Variants in FSTL5 observed in about 807,000 individuals in gnomAD.
FSTL5 encodes the protein follistatin like 5.
In FSTL5, 62 loss-of-function variants were observed where a neutral mutation model predicts 89.1. The observed-to-expected ratio is 0.70, with a 90% CI of 0.57 to 0.86. The LOEUF is 0.86. Ranked by LOEUF, FSTL5 falls within the 40% of genes least tolerant of loss-of-function variation. The pLI is 0.00. For synonymous variants in FSTL5, 383 were observed against 346.2 expected (o/e 1.11, Z -1.18); for missense variants, 1,057 against 1,001.6 (o/e 1.06, Z -0.75).
At chr4:161,392,346 A>T (rs772878581) in intron 15 of FSTL5, among the ~76,000 whole-genome samples, 1 of 150,698 alleles carries the variant, frequency 6.6e-6, no homozygotes, top group Non-Finnish European at 1.5e-5. Context: ...CCTGCCTCAA[A>T]CTCCTGAGTA....
In FSTL5 at chr4:161,480,588, T is replaced by C. The variant is rs1729467496; in HGVS notation, c.1608+432A>G. Among the ~76,000 whole-genome samples the C allele has an allele frequency of 2.0e-5, 3 of 152,210 alleles. No homozygotes were observed. In the South Asian group the frequency reaches 6.2e-4, roughly 32 times the overall value. Reference sequence around the variant, plus strand: ...TTTACTACTACCTAGCAAATTCTACTAGGTTACTGTCATCTAGTGAAGCCT... The same window carrying C: ...TTTACTACTACCTAGCAAATTCTACCAGGTTACTGTCATCTAGTGAAGCCT... On this transcript the variant is annotated intron_variant, in intron 13 of 15. Transcript: ENST00000306100.
chr4:161,452,692 T>C (rs748972669), intron 15 of FSTL5, among the ~76,000 whole-genome samples: 1 of 152,218 alleles, frequency 6.6e-6, no homozygotes, highest in Non-Finnish European at 1.5e-5. Flanking sequence ...TTGATGATCA[T>C]TCATGTTCAT....
At chr4:161,732,941 T>A (rs1231363595) in intron 6 of FSTL5, among the ~76,000 whole-genome samples, 1 of 151,896 alleles carries the variant, frequency 6.6e-6, no homozygotes, top group East Asian at 1.9e-4. Context: ...GCTTTTCTTT[T>A]TTTTTTAAAA....
chr4:161,673,032 G>C (rs1424566252), intron 6 of FSTL5, among the ~76,000 whole-genome samples: 2 of 151,938 alleles, frequency 1.3e-5, no homozygotes, highest in African/African-American at 4.8e-5. Context: ...AAATGCCTGA[G>C]AACTCAGGTT....
intron 10 of FSTL5, among the ~76,000 whole-genome samples, chr4:161,533,612 CAGA>C (rs1731497356): frequency 6.6e-6 from 1 of 151,958 alleles, no homozygotes; most frequent in African/African-American, 2.4e-5. Context: ...AGCCTTGGAC[CAGA>C]AGAATGAACA....
chr4:161,846,044 G>A lies in FSTL5; in HGVS notation c.410-69970C>T, dbSNP rs534908748. Among the ~76,000 whole-genome samples the A allele has an allele frequency of 3.4e-3, 240 of 70,146 alleles. 1 individual carries two copies. The highest frequency in any genetic ancestry group is 0.012 in the Middle Eastern group (2 of 168). The allele number at this position is 70,146 out of a possible 152,430, so 46.0% of individuals were successfully genotyped here. On this transcript the variant is annotated intron_variant, in intron 4 of 15. Coordinates refer to ENST00000306100, the MANE Select transcript of FSTL5 (RefSeq NM_020116.5). ...AGCCTGGGCAACAGAACAAGACTCC[G>A]TCTCAAAAAAAAAAAAAAATTGTGA...
intron 3 of FSTL5, among the ~76,000 whole-genome samples, chr4:162,012,882 T>C (rs1418903925): frequency 6.6e-6 from 1 of 152,098 alleles, no homozygotes; most frequent in Non-Finnish European, 1.5e-5. Flanking sequence ...TGAAATTTAC[T>C]TATTAAAATA....
intron 4 of FSTL5, among the ~76,000 whole-genome samples, chr4:161,776,350 T>G (rs1741413470): frequency 6.6e-6 from 1 of 152,036 alleles, no homozygotes; most frequent in South Asian, 2.1e-4. Context: ...AAAAACATGA[T>G]AGCTCCAGCT....
intron 8 of FSTL5, among the ~76,000 whole-genome samples, chr4:161,546,292 TTATA>T (rs142188672): frequency 2.1e-5 from 3 of 145,586 alleles, no homozygotes; most frequent in African/African-American, 5.0e-5. Flanking sequence ...TATATACATA[TTATA>T]TATATATATA....
chr4:162,022,722 A>G (rs1737135616), intron 3 of FSTL5: 1 of 152,146 alleles, frequency 6.6e-6, no homozygotes, highest in African/African-American at 2.4e-5. Flanking sequence ...GACAATTATG[A>G]CTTAATCCCC....
At chr4:161,563,329 T>C (rs1437265080) in intron 8 of FSTL5, among the ~76,000 whole-genome samples, 1 of 151,938 alleles carries the variant, frequency 6.6e-6, no homozygotes, top group Non-Finnish European at 1.5e-5. Flanking sequence ...TGGAACTGCT[T>C]TATCGTATGG....
chr4:162,153,723 T>TATGTATATTATATATGTATATA, intron 1 of FSTL5, among the ~76,000 whole-genome samples: 1 of 80,644 alleles, frequency 1.2e-5, no homozygotes, highest in Admixed American at 1.6e-4. Context: ...TATATAATAA[T>TATGTATATTATATATGTATATA]ATATGTATAT....
At chr4:161,667,812 T>G (rs1417470787) in intron 6 of FSTL5, among the ~76,000 whole-genome samples, 1 of 151,988 alleles carries the variant, frequency 6.6e-6, no homozygotes, top group Admixed American at 6.6e-5. Context: ...CTCAACACAT[T>G]AGAGATGAAA....
At chr4:162,087,040 T>C (rs1256622606) in intron 2 of FSTL5, among the ~76,000 whole-genome samples, 1 of 152,082 alleles carries the variant, frequency 6.6e-6, no homozygotes, top group East Asian at 1.9e-4. Flanking sequence ...GAGTCAAATT[T>C]GAGAAAATCC....
chr4:162,152,561 A>G (rs1733270192), intron 1 of FSTL5, among the ~76,000 whole-genome samples: 1 of 152,172 alleles, frequency 6.6e-6, no homozygotes, highest in African/African-American at 2.4e-5. Context: ...CAATTTCATA[A>G]TAACAAACAA....
intron 1 of FSTL5, among the ~76,000 whole-genome samples, chr4:162,116,608 G>A (rs757362047): frequency 3.3e-5 from 5 of 152,152 alleles, no homozygotes; most frequent in Admixed American, 6.5e-5. Flanking sequence ...CAGGAATAAG[G>A]GGCTTTTGTT....
At chr4:161,551,115 G>T (rs896557644) in intron 8 of FSTL5, among the ~76,000 whole-genome samples, 1 of 151,712 alleles carries the variant, frequency 6.6e-6, no homozygotes, top group Non-Finnish European at 1.5e-5. Context: ...GGGATGGCTG[G>T]GTCAAATGGT....
chr4:161,720,969 C>T (rs970046101), intron 6 of FSTL5, among the ~76,000 whole-genome samples: 5 of 152,098 alleles, frequency 3.3e-5, no homozygotes, highest in Admixed American at 2.0e-4. Context: ...TAGTTACCAA[C>T]GCCACACTGT....
intron 4 of FSTL5, among the ~76,000 whole-genome samples, chr4:161,880,671 T>C (rs1401340451): frequency 6.6e-6 from 1 of 152,146 alleles, no homozygotes; most frequent in Non-Finnish European, 1.5e-5. Context: ...AAAGAATGGA[T>C]AAACTGTACA....
Sources: gnomAD v4.1 joint callset for allele counts (sites outside exome capture counted in the v4.1 genomes callset) on GRCh38, gnomAD v4.1.1 for gene constraint, MANE v1.5 for transcripts, NCBI Gene and HGNC (gene_info 2026-07-23, HGNC 2026-07-21) for gene names.